AKAP7: variants seen among roughly 807,000 people sequenced by gnomAD.
AKAP7 encodes the protein A-kinase anchoring protein 7, also known as A kinase (PRKA) anchor protein 7.
A neutral mutation model predicts 39.5 loss-of-function variants in AKAP7; 39 were observed. The ratio of observed to expected loss-of-function variants is 0.99; its 90% CI spans 0.76 to 1.29. The LOEUF (loss-of-function observed/expected upper bound fraction) is 1.29, where lower values mean the gene tolerates loss of function less well. Ranked by LOEUF, AKAP7 falls within the 50% of genes most tolerant of loss-of-function variation. The probability of loss-of-function intolerance (pLI) is 0.00; values close to 1 mark genes in which losing one functional copy is unlikely to be tolerated. For missense variants in AKAP7, 414 were observed against 407.7 expected (o/e 1.02, Z -0.13); for synonymous variants, 140 against 139.1 (o/e 1.01, Z -0.05).
At chr6:131,171,339 A>T (rs1435246065) in intron 5 of AKAP7, among the ~76,000 whole-genome samples, 2 of 152,190 alleles carry the variant, frequency 1.3e-5, no homozygotes, top group Non-Finnish European at 2.9e-5. Context: ...AAGATTTCAT[A>T]GGAGAAATAG....
chr6:131,175,260 G>A (rs1479939127), intron 5 of AKAP7, among the ~76,000 whole-genome samples: 2 of 152,104 alleles, frequency 1.3e-5, no homozygotes, highest in Admixed American at 6.5e-5. Context: ...AGAGGTGGAG[G>A]TGGAAGTGGG....
At chr6:131,264,535 A>G (rs1813622642) in intron 7 of AKAP7, among the ~76,000 whole-genome samples, 1 of 152,192 alleles carries the variant, frequency 6.6e-6, no homozygotes, top group Non-Finnish European at 1.5e-5. Context: ...GGTTTCCCAT[A>G]TTATGTTTGC....
At chr6:131,131,088 G>A (rs975588059), upstream of AKAP7, among the ~76,000 whole-genome samples, 1 of 152,222 alleles carries the variant, frequency 6.6e-6, no homozygotes, top group South Asian at 2.1e-4. Flanking sequence ...CTGAGAGGCT[G>A]AAGAAAGTGA....
At chr6:131,186,529 G>A (rs1340949826) in intron 5 of AKAP7, among the ~76,000 whole-genome samples, 1 of 152,086 alleles carries the variant, frequency 6.6e-6, no homozygotes, top group Admixed American at 6.5e-5. Context: ...CCTTCCTGCT[G>A]TTATAACAAA....
At chr6:131,217,966 T>G (rs1391058316) in intron 6 of AKAP7, among the ~76,000 whole-genome samples, 2 of 152,190 alleles carry the variant, frequency 1.3e-5, no homozygotes, top group African/African-American at 4.8e-5. Flanking sequence ...TCCATTTACT[T>G]TGAATGTTTT....
At chr6:131,271,089 C>CT (rs956835108) in intron 7 of AKAP7, among the ~76,000 whole-genome samples, 5 of 151,934 alleles carry the variant, frequency 3.3e-5, no homozygotes, top group South Asian at 4.2e-4. Flanking sequence ...CAATTTACCT[C>CT]TTTTTTTTAA....
chr6:131,226,983 C>T (rs1386784012), intron 7 of AKAP7, among the ~76,000 whole-genome samples: 9 of 152,006 alleles, frequency 5.9e-5, no homozygotes, highest in Non-Finnish European at 8.8e-5. Context: ...ACAGAAGCAC[C>T]GGACAGCAAA....
intron 4 of AKAP7, among the ~76,000 whole-genome samples, chr6:131,165,950 A>G (rs1040722903): frequency 1.3e-5 from 2 of 152,192 alleles, no homozygotes; most frequent in Non-Finnish European, 2.9e-5. Flanking sequence ...GCCAGGATGA[A>G]TGCAGGTTGC....
the AKAP7 span, among the ~76,000 whole-genome samples, chr6:131,129,990 T>C: frequency 6.6e-6 from 1 of 152,098 alleles, no homozygotes. Context: ...AGAAGAGAAA[T>C]GAGGGACCTG....
the AKAP7 span, among the ~76,000 whole-genome samples, chr6:131,127,891 T>C: frequency 1.4e-4 from 22 of 152,332 alleles, no homozygotes; most frequent in African/African-American, 5.1e-4. Flanking sequence ...TGGATGGAGC[T>C]GGAGGCCATT....
At chr6:131,259,021 T>G (rs569047556) in intron 7 of AKAP7, among the ~76,000 whole-genome samples, 12 of 152,250 alleles carry the variant, frequency 7.9e-5, no homozygotes, top group African/African-American at 2.6e-4. Context: ...GAAAGGGTGA[T>G]TCACTCTAAA....
chr6:131,153,668 T>A (rs1802143162), intron 2 of AKAP7, among the ~76,000 whole-genome samples: 1 of 152,208 alleles, frequency 6.6e-6, no homozygotes, highest in Non-Finnish European at 1.5e-5. Context: ...GTAGTGTCAG[T>A]GGTCTTTGAA....
intron 6 of AKAP7, 123 bp downstream of exon 6, chr6:131,199,696 A>T (rs1046432746): frequency 7.2e-6 from 6 of 829,274 alleles, no homozygotes; most frequent in Non-Finnish European, 1.2e-5. Flanking sequence ...TTTCCAAGTC[A>T]GGTTGGTTCC....
At chr6:131,158,929 AG>A (rs1403840053) in intron 2 of AKAP7, among the ~76,000 whole-genome samples, 12 of 150,792 alleles carry the variant, frequency 8.0e-5, no homozygotes, top group Admixed American at 2.6e-4. Context: ...AAAAAAAAAA[AG>A]ATGATGGCAT....
intron 5 of AKAP7, among the ~76,000 whole-genome samples, chr6:131,179,256 T>A (rs1006131197): frequency 6.6e-6 from 1 of 152,006 alleles, no homozygotes; most frequent in Non-Finnish European, 1.5e-5. Flanking sequence ...TCACCACAAC[T>A]TCTGCCTCCT....
intron 7 of AKAP7, among the ~76,000 whole-genome samples, chr6:131,279,995 A>T (rs1013992562): frequency 6.6e-6 from 1 of 152,210 alleles, no homozygotes. Context: ...ATTAGGCAAT[A>T]TATTCATTCA....
intron 4 of AKAP7, among the ~76,000 whole-genome samples, chr6:131,167,318 T>C (rs1472510348): frequency 1.3e-5 from 2 of 152,182 alleles, no homozygotes; most frequent in Non-Finnish European, 2.9e-5. Flanking sequence ...TTTATACTAC[T>C]AGAGAACTGG....
intron 7 of AKAP7, among the ~76,000 whole-genome samples, chr6:131,254,021 T>C (rs1812659021): frequency 1.3e-5 from 2 of 152,194 alleles, no homozygotes; most frequent in Admixed American, 1.3e-4. Context: ...ATTTTGCCAG[T>C]GGGCTGAATA....
Position 131,207,491 on chromosome 6 carries a change from A to ATTTTTTTTTTTTTTTT in AKAP7, c.702+7929_702+7944dup, listed in dbSNP as rs531582478. On this transcript the variant is annotated intron_variant, in intron 6 of 7. Transcript: ENST00000431975. ...TGCACACCATGCCTGGCTAATTAAA[A>ATTTTTTTTTTTTTTTT]TTTTTTTTTTTTTTTTTTTTTTTTT... Among the ~76,000 whole-genome samples the ATTTTTTTTTTTTTTTT allele has an allele frequency of 6.7e-3, 530 of 78,774 alleles. 70 individuals carry two copies. The highest frequency in any genetic ancestry group is 0.01 in the Middle Eastern group (1 of 100). 51.7% of individuals were successfully genotyped at this position (78,774 alleles called of 152,430 possible).
Sources: allele counts gnomAD v4.1 joint callset (sites outside exome capture counted in the v4.1 genomes callset), GRCh38; gene constraint gnomAD v4.1.1; transcripts MANE v1.5; gene names NCBI Gene and HGNC (gene_info 2026-07-23, HGNC 2026-07-21).